IL1RAPL1: variants seen among roughly 807,000 people sequenced by gnomAD.
IL1RAPL1 encodes interleukin-1 receptor accessory protein-like 1.
In IL1RAPL1, 3 loss-of-function variants were observed where a neutral mutation model predicts 48.4. That is an observed-to-expected ratio of 0.06 (90% CI 0.03 to 0.16). The LOEUF (loss-of-function observed/expected upper bound fraction) is 0.16. Among genes scored for constraint, IL1RAPL1 ranks in the 10% least tolerant of loss-of-function variants. IL1RAPL1 has a pLI of 1.00. For synonymous variants in IL1RAPL1, 185 were observed against 187.7 expected, an observed-to-expected ratio of 0.99 and a Z score of 0.12; for missense variants, 349 against 530.6, an observed-to-expected ratio of 0.66 and a Z score of 3.36.
At chrX:29,881,516 C>G (rs759621134) in intron 6 of IL1RAPL1, among the ~76,000 whole-genome samples, 1 of 110,885 alleles carries the variant, frequency 9.0e-6, no homozygotes, top group South Asian at 3.9e-4. Context: ...TGACCCTTTA[C>G]TATTCTCCTT....
At chrX:29,842,544 G>T (rs184729482) in intron 6 of IL1RAPL1, among the ~76,000 whole-genome samples, 2 of 112,529 alleles carry the variant, frequency 1.8e-5, no homozygotes, top group Non-Finnish European at 1.9e-5. Context: ...CCCTGAACAG[G>T]CCCCATCTTG....
At chrX:28,885,340 G>T (rs1165707393) in intron 2 of IL1RAPL1, among the ~76,000 whole-genome samples, 1 of 110,761 alleles carries the variant, frequency 9.0e-6, no homozygotes, top group Non-Finnish European at 1.9e-5. Flanking sequence ...AAGGACTTTC[G>T]CAGTGTTTTT....
intron 3 of IL1RAPL1, among the ~76,000 whole-genome samples, chrX:29,377,880 T>G (rs1028108704): frequency 3.6e-5 from 4 of 111,171 alleles, no homozygotes; most frequent in African/African-American, 1.3e-4. Flanking sequence ...GTTCCTTGTA[T>G]TTCCTGAATT....
At chrX:29,688,728 TTCTCTCTCTCTCTC>T (rs71811113) in intron 6 of IL1RAPL1, among the ~76,000 whole-genome samples, 1 of 74,796 alleles carries the variant, frequency 1.3e-5, no homozygotes, top group Admixed American at 1.7e-4. Context: ...TCAGGGTTGC[TTCTCTCTCTCTCTC>T]TCTCTCTCTC....
At chrX:29,550,137 C>T (rs975323115) in intron 5 of IL1RAPL1, among the ~76,000 whole-genome samples, 1 of 112,083 alleles carries the variant, frequency 8.9e-6, no homozygotes. Context: ...TAATGTAATA[C>T]ATTTTAGTGT....
At chrX:29,575,205 G>A (rs751033367) in intron 5 of IL1RAPL1, among the ~76,000 whole-genome samples, 1 of 111,524 alleles carries the variant, frequency 9.0e-6, no homozygotes, top group African/African-American at 3.3e-5. Flanking sequence ...TATTAATCAG[G>A]GTTCTCCAGA....
intron 2 of IL1RAPL1, among the ~76,000 whole-genome samples, chrX:29,132,687 A>T (rs1929046812): frequency 8.9e-6 from 1 of 112,017 alleles, no homozygotes; most frequent in Non-Finnish European, 1.9e-5. Flanking sequence ...GTGGACATTG[A>T]AAATGACTTG....
At chrX:29,334,198 G>A (rs1234958260) in intron 3 of IL1RAPL1, among the ~76,000 whole-genome samples, 2 of 75,240 alleles carry the variant, frequency 2.7e-5, no homozygotes, top group Non-Finnish European at 5.2e-5. Flanking sequence ...CGGGCGGGGG[G>A]CTGACCCCCC....
At chrX:29,174,243 A>G (rs1929964714) in intron 2 of IL1RAPL1, among the ~76,000 whole-genome samples, 1 of 111,526 alleles carries the variant, frequency 9.0e-6, no homozygotes, top group Admixed American at 9.6e-5. Flanking sequence ...AGTTTAAAGT[A>G]GTTGACAGTG....
At chrX:28,827,591 T>C (rs1344388261) in intron 2 of IL1RAPL1, among the ~76,000 whole-genome samples, 1 of 111,982 alleles carries the variant, frequency 8.9e-6, no homozygotes, top group African/African-American at 3.2e-5. Flanking sequence ...CTACAGTGGC[T>C]GTGAAGAGGA....
chrX:29,529,676 AT>A (rs1935593166), intron 5 of IL1RAPL1, among the ~76,000 whole-genome samples: 1 of 110,103 alleles, frequency 9.1e-6, no homozygotes, highest in Non-Finnish European at 1.9e-5. Context: ...CCTGAGTTTG[AT>A]CACTGAACTG....
intron 6 of IL1RAPL1, among the ~76,000 whole-genome samples, chrX:29,798,635 C>G (rs1475045231): frequency 1.8e-5 from 2 of 111,862 alleles, no homozygotes; most frequent in African/African-American, 6.5e-5. Context: ...GCAGGAAGCA[C>G]CAAGTTAATA....
At chrX:29,693,731 C>T (rs1222190072) in intron 6 of IL1RAPL1, among the ~76,000 whole-genome samples, 1 of 111,617 alleles carries the variant, frequency 9.0e-6, no homozygotes, top group African/African-American at 3.3e-5. Context: ...TTAATTAGCC[C>T]ACGGATAATT....
chrX:29,616,424 A>T (rs1464413572), intron 5 of IL1RAPL1, among the ~76,000 whole-genome samples: 4 of 107,882 alleles, frequency 3.7e-5, no homozygotes, highest in Non-Finnish European at 7.7e-5. Context: ...CGTGTGCTGC[A>T]CCCATTAACT....
At position 29,917,569 on chromosome X, in the gene IL1RAPL1, A is replaced by C; in HGVS notation, c.884A>C (p.Glu295Ala). ...KGEKFIEDLD[E>A]NRVWESDIRI... is the part of the protein sequence containing the mutation. Reference sequence around the variant, plus strand: ...GAAAAATTTATTGAAGATCTGGATGAAAATCGAGTTTGGGAAAGTGACATT... The same window carrying C: ...GAAAAATTTATTGAAGATCTGGATGCAAATCGAGTTTGGGAAAGTGACATT... The change falls in exon 7 of 11, where the codon GAA (glutamate) becomes GCA (alanine). Residue 295 changes from glutamate (E) to alanine (A), a missense_variant. By Grantham distance (107) the Glu-to-Ala change is moderately radical. Coordinates refer to ENST00000378993, the MANE Select transcript of IL1RAPL1 (RefSeq NM_014271.4). 8.3e-7 allele frequency: 1 copy of C among 1,209,675 alleles called. No homozygotes were observed. The highest frequency in any genetic ancestry group is 1.1e-6 in the Non-Finnish European group (1 of 893,677).
intron 1 of IL1RAPL1, among the ~76,000 whole-genome samples, chrX:28,736,229 C>T (rs757563800): frequency 2.7e-5 from 3 of 109,674 alleles, no homozygotes; most frequent in Admixed American, 9.8e-5. Flanking sequence ...GTCAGGAGTT[C>T]GAGACCAGCC....
intron 1 of IL1RAPL1, among the ~76,000 whole-genome samples, chrX:28,641,233 G>T (rs772873331): frequency 9.2e-6 from 1 of 109,127 alleles, no homozygotes; most frequent in East Asian, 2.9e-4. Flanking sequence ...CTCCCCAACA[G>T]GCCCCAGTGT....
At chrX:29,267,255 T>C (rs1408988136) in intron 2 of IL1RAPL1, among the ~76,000 whole-genome samples, 1 of 112,188 alleles carries the variant, frequency 8.9e-6, no homozygotes, top group Admixed American at 9.5e-5. Flanking sequence ...TTTACTTTCC[T>C]AGGAAAAGTT....
intron 6 of IL1RAPL1, among the ~76,000 whole-genome samples, chrX:29,792,597 G>T (rs1033787743): frequency 9.0e-6 from 1 of 111,486 alleles, no homozygotes; most frequent in Non-Finnish European, 1.9e-5. Flanking sequence ...AAGAGCAAAC[G>T]TCAGAATACC....
Sources: gnomAD v4.1 joint callset for allele counts (sites outside exome capture counted in the v4.1 genomes callset) on GRCh38, gnomAD v4.1.1 for gene constraint, MANE v1.5 for transcripts, NCBI Gene and HGNC (gene_info 2026-07-23, HGNC 2026-07-21) for gene names.